Variants in DEUP1 observed in about 807,000 individuals in gnomAD.
DEUP1 encodes the protein coiled-coil domain containing 67.
In DEUP1, 82 loss-of-function variants were observed where a neutral mutation model predicts 87.4. That is an observed-to-expected ratio of 0.94 (90% confidence interval 0.78 to 1.13). The LOEUF (loss-of-function observed/expected upper bound fraction) is 1.13. Among genes scored for constraint, DEUP1 ranks in the 50% most tolerant of loss-of-function variants. The pLI is 0.00. For synonymous variants in DEUP1, 214 were observed against 222.7 expected, an observed-to-expected ratio of 0.96 and a Z score of 0.35; for missense variants, 663 against 681.5, an observed-to-expected ratio of 0.97 and a Z score of 0.30.
chr11:93,396,166 C>A, intron 10 of DEUP1, 73 bp from the exon 11 acceptor site: 1 of 937,894 alleles, frequency 1.1e-6, no homozygotes, highest in Non-Finnish European at 1.6e-6. Context: ...TTTGTATTCA[C>A]AAGACAAAAT....
intron 13 of DEUP1, among the ~76,000 whole-genome samples, chr11:93,432,540 A>G (rs1948135208): frequency 2.0e-5 from 3 of 152,214 alleles, no homozygotes; most frequent in South Asian, 2.1e-4. Context: ...TGTTGGCTCC[A>G]GCATTCAGCT....
intron 2 of DEUP1, chr11:93,352,338 C>T: frequency 1.4e-6 from 1 of 702,454 alleles, no homozygotes; most frequent in Non-Finnish European, 2.6e-6. Flanking sequence ...ACCTGCTTAT[C>T]CAGTCTGAGT....
chr11:93,431,594 A>T (rs1948110249), intron 13 of DEUP1, among the ~76,000 whole-genome samples: 2 of 152,230 alleles, frequency 1.3e-5, no homozygotes, highest in South Asian at 2.1e-4. Context: ...TATGTTTAAA[A>T]TTTTTAAAAG....
At position 93,408,389 on chromosome 11, in the gene DEUP1, C is replaced by A; in HGVS notation, c.1485C>A (p.Ala495=). The part of the protein sequence containing the change: ...QNTYEETGRY[A]YQSQIKVEQN... ...CCTATGAAGAAACAGGAAGATATGC[C>A]TATCAAAGCCAAATAAAAGTGGAAC... The change falls in exon 12 of 14, where the codon GCC becomes GCA. Residue 495 remains alanine, a synonymous_variant. Transcript: ENST00000298050. 6.4e-7 allele frequency: 1 copy of A among 1,565,132 alleles called. No homozygotes were observed. The highest frequency in any genetic ancestry group is 8.7e-7 in the Non-Finnish European group (1 of 1,155,110).
intron 5 of DEUP1, among the ~76,000 whole-genome samples, chr11:93,367,131 T>C (rs996614245): frequency 6.6e-6 from 1 of 152,170 alleles, no homozygotes; most frequent in Non-Finnish European, 1.5e-5. Context: ...TACTGTTATA[T>C]GTGGAGGGTC....
At chr11:93,434,809 C>T (rs1281434912) in intron 13 of DEUP1, among the ~76,000 whole-genome samples, 4 of 152,130 alleles carry the variant, frequency 2.6e-5, no homozygotes, top group Non-Finnish European at 4.4e-5. Context: ...TGTATTCTAC[C>T]CATTGGAAAC....
intron 4 of DEUP1, among the ~76,000 whole-genome samples, chr11:93,361,941 T>C (rs937487670): frequency 6.6e-6 from 1 of 151,842 alleles, no homozygotes; most frequent in Non-Finnish European, 1.5e-5. Flanking sequence ...AAAGCAGAAG[T>C]GGTGCCAAGA....
At chr11:93,342,080 A>G (rs1056823409) in intron 2 of DEUP1, among the ~76,000 whole-genome samples, 1 of 152,238 alleles carries the variant, frequency 6.6e-6, no homozygotes, top group African/African-American at 2.4e-5. Context: ...ACCTCTCCAT[A>G]TCAAGATTCT....
intron 13 of DEUP1, among the ~76,000 whole-genome samples, chr11:93,434,826 C>T (rs1325700801): frequency 1.3e-5 from 2 of 152,172 alleles, no homozygotes; most frequent in Non-Finnish European, 2.9e-5. Flanking sequence ...AAACACAGAA[C>T]CATAAAACAG....
chr11:93,368,294 C>T (rs185123092), intron 5 of DEUP1, among the ~76,000 whole-genome samples: 2 of 152,212 alleles, frequency 1.3e-5, no homozygotes, highest in Non-Finnish European at 2.9e-5. Context: ...GTGGCATAAA[C>T]AACAGACATT....
At chr11:93,332,895 G>T (rs1008545293) in intron 2 of DEUP1, among the ~76,000 whole-genome samples, 4 of 152,170 alleles carry the variant, frequency 2.6e-5, no homozygotes, top group Admixed American at 6.5e-5. Context: ...ACTGACCACT[G>T]GCTGAACACA....
intron 11 of DEUP1, among the ~76,000 whole-genome samples, chr11:93,398,722 T>A (rs968687263): frequency 2.0e-4 from 15 of 76,578 alleles, no homozygotes; most frequent in Non-Finnish European, 2.1e-4. Context: ...TCATGTCAAA[T>A]TTTTTTTTTT....
intron 5 of DEUP1, among the ~76,000 whole-genome samples, chr11:93,365,217 C>T (rs950553086): frequency 6.6e-6 from 1 of 152,064 alleles, no homozygotes; most frequent in African/African-American, 2.4e-5. Context: ...AAAATTAAAT[C>T]CGGGATCACA....
intron 2 of DEUP1, among the ~76,000 whole-genome samples, chr11:93,333,431 GAAGA>G (rs1159158694): frequency 6.6e-6 from 1 of 152,208 alleles, no homozygotes; most frequent in Non-Finnish European, 1.5e-5. Flanking sequence ...AGAAAGGCAA[GAAGA>G]GAGAGTAAGA....
chr11:93,385,671 A>C (rs1946510366), intron 8 of DEUP1, 128 bp downstream of exon 8: 1 of 572,778 alleles, frequency 1.7e-6, no homozygotes, highest in Non-Finnish European at 2.8e-6. Flanking sequence ...TTAGTGGGTA[A>C]TATTAAATAT....
At chr11:93,381,483 T>C (rs953319067) in intron 7 of DEUP1, among the ~76,000 whole-genome samples, 1 of 152,164 alleles carries the variant, frequency 6.6e-6, no homozygotes, top group Non-Finnish European at 1.5e-5. Context: ...ATCTCAATTT[T>C]CACATGAATC....
chr11:93,419,356 G>C lies in DEUP1; in HGVS notation c.1638+4242G>C, dbSNP rs376471519. The stretch of plus-strand genomic sequence containing the variant: ...AGGCAAGAATGTGCTGTGTGTCATA[G>C]CCTGTACTTTGTATGATAGCATCAA... On this transcript the variant is annotated intron_variant, in intron 13 of 13. Transcript: ENST00000298050. Among the ~76,000 whole-genome samples the C allele has an allele frequency of 9.2e-5, 14 of 152,244 alleles. No individual in the cohort carries two copies. The East Asian group carries it at 2.7e-3, about 29-fold the overall frequency.
At position 93,357,848 on chromosome 11, in the gene DEUP1, C is replaced by T. The variant is rs79458331; in HGVS notation, c.297+805C>T. ...AAGCCATTAAGATTGAAATATGAAACATTTGATGCCATTTAACAGATGATT... is the reference window on the plus strand; with the variant it reads ...AAGCCATTAAGATTGAAATATGAAATATTTGATGCCATTTAACAGATGATT... On this transcript the variant is annotated intron_variant, in intron 4 of 13. Coordinates refer to ENST00000298050, the MANE Select transcript of DEUP1 (RefSeq NM_181645.4). Among the ~76,000 whole-genome samples the T allele has an allele frequency of 1.1e-4, 17 of 152,172 alleles. No individual in the cohort carries two copies. The East Asian group carries it at 2.3e-3, about 21-fold the overall frequency.
At chr11:93,330,722 C>G (rs1056666071), upstream of DEUP1, 1 of 152,712 alleles carries the variant, frequency 6.5e-6, no homozygotes, top group Non-Finnish European at 1.5e-5. Flanking sequence ...GTGACATACG[C>G]GGTCCTGCGC....
Sources: gnomAD v4.1 joint callset for allele counts (sites outside exome capture counted in the v4.1 genomes callset) on GRCh38, gnomAD v4.1.1 for gene constraint, MANE v1.5 for transcripts, NCBI Gene and HGNC (gene_info 2026-07-23, HGNC 2026-07-21) for gene names.